Variants in ZSCAN5A observed in about 807,000 individuals in gnomAD.
ZSCAN5A encodes zinc finger and SCAN domain-containing protein 5A.
Under a neutral mutation model 23.7 loss-of-function variants are expected in ZSCAN5A, and 12 were observed. The observed-to-expected ratio is 0.51, with a 90% confidence interval of 0.32 to 0.82. The LOEUF (loss-of-function observed/expected upper bound fraction) is 0.82, where lower values mean the gene tolerates loss of function less well. Among genes scored for constraint, ZSCAN5A ranks in the 40% least tolerant of loss-of-function variants. The pLI, the probability that ZSCAN5A is intolerant of heterozygous loss-of-function variation, is 0.03. For missense variants in ZSCAN5A, 597 were observed against 617.9 expected, an observed-to-expected ratio of 0.97 and a Z score of 0.36; for synonymous variants, 257 against 239.9, an observed-to-expected ratio of 1.07 and a Z score of -0.66.
chr19:56,258,865 A>C (rs2036920270), intron 2 of ZSCAN5A, among the ~76,000 whole-genome samples: 1 of 152,146 alleles, frequency 6.6e-6, no homozygotes, highest in African/African-American at 2.4e-5. Context: ...CTCCCCCTTA[A>C]GTGCACGAAG....
rs542400941 is a variant in ZSCAN5A, at chr19:56,364,672, C to T, written c.-521-1274G>A. ...ATTCACAGCAGTTAAAAACTTAAAA[C>T]AAGCTGGATGTCCATTAATGAGTGA... On this transcript the variant is annotated intron_variant, in intron 1 of 6. Coordinates refer to the ZSCAN5A transcript ENST00000587340. 1.6e-3 allele frequency among the ~76,000 whole-genome samples: 250 copies of T among 152,306 alleles called. 1 individual carries two copies. Among genetic ancestry groups the T allele is most frequent in the Non-Finnish European group, 3.0e-3 (206 of 68,020 alleles).
intron 2 of ZSCAN5A, among the ~76,000 whole-genome samples, chr19:56,296,582 TGCA>T (rs1217524954): frequency 1.3e-5 from 2 of 152,070 alleles, no homozygotes; most frequent in African/African-American, 4.8e-5. Context: ...GTGTTAGAGA[TGCA>T]GCAGAGGATA....
At chr19:56,334,718 A>C (rs2041519153) in intron 2 of ZSCAN5A, among the ~76,000 whole-genome samples, 1 of 152,202 alleles carries the variant, frequency 6.6e-6, no homozygotes, top group South Asian at 2.1e-4. Flanking sequence ...TAGGGACTGG[A>C]GAGGACTCCT....
chr19:56,245,305 T>C, intron 2 of ZSCAN5A: 2 of 738,464 alleles, frequency 2.7e-6, no homozygotes, highest in Non-Finnish European at 5.0e-6. Flanking sequence ...GTGTCAGAGA[T>C]GATCCGAGAG....
At chr19:56,366,527 C>T (rs1465640806) in intron 1 of ZSCAN5A, among the ~76,000 whole-genome samples, 1 of 152,112 alleles carries the variant, frequency 6.6e-6, no homozygotes. Context: ...AATTCTTAAC[C>T]TAAGCAAACC....
At chr19:56,341,720 A>C (rs1317962146) in intron 2 of ZSCAN5A, among the ~76,000 whole-genome samples, 4 of 150,898 alleles carry the variant, frequency 2.7e-5, no homozygotes, top group South Asian at 2.1e-4. Flanking sequence ...AAAAAAAAAA[A>C]AAAAAAACCC....
intron 2 of ZSCAN5A, among the ~76,000 whole-genome samples, chr19:56,256,804 G>T (rs893677127): frequency 1.3e-5 from 2 of 152,182 alleles, no homozygotes; most frequent in African/African-American, 4.8e-5. Flanking sequence ...CCTGAGTTCA[G>T]GGAAGGGCTG....
At chr19:56,330,062 C>T (rs940626187) in intron 2 of ZSCAN5A, among the ~76,000 whole-genome samples, 8 of 152,222 alleles carry the variant, frequency 5.3e-5, no homozygotes, top group Non-Finnish European at 1.0e-4. Flanking sequence ...TTAACTTCCA[C>T]TTATAAGTGA....
At position 56,222,054 on chromosome 19, in the gene ZSCAN5A, G is replaced by A; in HGVS notation, c.1012C>T (p.Pro338Ser). The A allele has an allele frequency of 6.2e-7, 1 of 1,614,178 alleles. No homozygotes were observed. Among genetic ancestry groups the A allele is most frequent in the Admixed American group, 1.7e-5 (1 of 60,018 alleles). Residue 338 changes from proline to serine, a missense_variant, in exon 6 of 6, where the codon CCT (proline) becomes TCT (serine). Physicochemically the swap from Pro to Ser is moderately conservative, Grantham distance 74. Transcript: ENST00000683990. ...AGMNSIHSPG[P>S]ASPVSHPDGQ... ...TCCGGGTGACTGACTGGGCTCGCAG[G>A]GCCTGGGGAATGAATTGAATTCATC...
chr19:56,322,987 C>T (rs1365611158), intron 2 of ZSCAN5A, among the ~76,000 whole-genome samples: 8 of 150,774 alleles, frequency 5.3e-5, no homozygotes, highest in Non-Finnish European at 8.9e-5. Flanking sequence ...CTTCGCCTCC[C>T]GGGTTCACGC....
intron 2 of ZSCAN5A, among the ~76,000 whole-genome samples, chr19:56,279,740 C>T (rs1274513250): frequency 6.6e-6 from 1 of 152,090 alleles, no homozygotes; most frequent in African/African-American, 2.4e-5. Context: ...TATGTTAGTT[C>T]CTTCCTATCT....
chr19:56,285,770 C>T (rs746493530), intron 2 of ZSCAN5A, among the ~76,000 whole-genome samples: 21 of 151,858 alleles, frequency 1.4e-4, no homozygotes, highest in Admixed American at 4.6e-4. Context: ...TGAGCCATCA[C>T]GCCCAGCCCA....
chr19:56,306,198 C>T (rs987214357), intron 2 of ZSCAN5A, among the ~76,000 whole-genome samples: 1 of 152,226 alleles, frequency 6.6e-6, no homozygotes, highest in Non-Finnish European at 1.5e-5. Context: ...GTAGCCTGGT[C>T]AAGGCTAGGG....
intron 2 of ZSCAN5A, chr19:56,321,928 C>A (rs2041380234): frequency 4.6e-5 from 36 of 781,482 alleles, no homozygotes; most frequent in Middle Eastern, 2.2e-4. Flanking sequence ...CAATATCCAA[C>A]TTCATCATGG....
intron 2 of ZSCAN5A, among the ~76,000 whole-genome samples, chr19:56,305,112 T>A (rs1449793042): frequency 6.6e-6 from 1 of 152,192 alleles, no homozygotes; most frequent in Non-Finnish European, 1.5e-5. Context: ...TTAGGACTTG[T>A]GGCCCAACAC....
intron 2 of ZSCAN5A, chr19:56,320,356 A>G (rs2041362017): frequency 2.8e-6 from 1 of 351,930 alleles, no homozygotes; most frequent in Admixed American, 4.1e-5. Context: ...GAGAAACCCA[A>G]TCTCTACTAA....
At chr19:56,275,055 A>G (rs1039176343) in intron 2 of ZSCAN5A, 2 of 152,220 alleles carry the variant, frequency 1.3e-5, no homozygotes, top group African/African-American at 2.4e-5. Context: ...CCCGGGAATT[A>G]TATCAGGGAC....
intron 2 of ZSCAN5A, chr19:56,282,897 T>C (rs1464578565): frequency 6.6e-6 from 1 of 152,224 alleles, no homozygotes; most frequent in Admixed American, 6.5e-5. Context: ...TAATAATTCC[T>C]AGAGATAGCA....
At chr19:56,225,581 C>T (rs2033844618) in intron 2 of ZSCAN5A, among the ~76,000 whole-genome samples, 1 of 152,180 alleles carries the variant, frequency 6.6e-6, no homozygotes, top group South Asian at 2.1e-4. Context: ...GTAATATTTT[C>T]CCCAACACAT....
Sources: gnomAD v4.1 joint callset for allele counts (sites outside exome capture counted in the v4.1 genomes callset) on GRCh38, gnomAD v4.1.1 for gene constraint, MANE v1.5 for transcripts, NCBI Gene and HGNC (gene_info 2026-07-23, HGNC 2026-07-21) for gene names.